The following ELFN1 variants were observed in gnomAD, a reference collection of about 807,000 sequenced individuals.
ELFN1 encodes the protein extracellular leucine rich repeat and fibronectin type III domain containing 1, also known as protein ELFN1.
A neutral mutation model predicts 7.6 loss-of-function variants in ELFN1; 6 were observed. That is an observed-to-expected ratio of 0.79 (90% CI 0.43 to 1.56). The LOEUF (loss-of-function observed/expected upper bound fraction) is 1.56. ELFN1 is among the 40% of genes most tolerant of loss of function. The probability of loss-of-function intolerance (pLI) is 0.01; values close to 1 mark genes in which losing one functional copy is unlikely to be tolerated. For missense variants in ELFN1, 1,169 were observed against 1,232.2 expected (o/e 0.95, Z 0.77); for synonymous variants, 657 against 588.1 (o/e 1.12, Z -1.70).
Position 1,747,803 on chromosome 7 carries a change from C to T in ELFN1, c.*720C>T, listed in dbSNP as rs1038787372. 4.9e-5 allele frequency: 8 copies of T among 161,874 alleles called. No individual in the cohort carries two copies. Among genetic ancestry groups the T allele is most frequent in the African/African-American group, 1.8e-4 (7 of 39,824 alleles). 10.0% of individuals were successfully genotyped at this position (161,874 alleles called of 1,614,324 possible). On this transcript the variant is annotated 3_prime_UTR_variant, in exon 4 of 4. Transcript: ENST00000424383. ...GCCCAGCCCCCATGTACACTGTAGT[C>T]GTTCTATTGTACAGAAAAAAATATT...
At chr7:1,697,425 C>G (rs1276773724) in intron 2 of ELFN1, among the ~76,000 whole-genome samples, 2 of 152,196 alleles carry the variant, frequency 1.3e-5, no homozygotes, top group African/African-American at 4.8e-5. Context: ...GGCCTGCACT[C>G]CCTGCTCTGT....
At chr7:1,683,367 G>T (rs1779008858) in intron 1 of ELFN1, among the ~76,000 whole-genome samples, 1 of 152,096 alleles carries the variant, frequency 6.6e-6, no homozygotes, top group Admixed American at 6.6e-5. Context: ...TTACAAGTCT[G>T]TTCAGATTTT....
chr7:1,669,922 C>A (rs1173257504), upstream of ELFN1, among the ~76,000 whole-genome samples: 1 of 115,004 alleles, frequency 8.7e-6, no homozygotes, highest in Non-Finnish European at 1.7e-5. Flanking sequence ...GGGCCGGGGA[C>A]GGACCGCGAG....
chr7:1,687,256 T>G (rs933874518), intron 1 of ELFN1, among the ~76,000 whole-genome samples: 2 of 152,174 alleles, frequency 1.3e-5, no homozygotes, highest in Non-Finnish European at 2.9e-5. Flanking sequence ...AATGATTGTT[T>G]TTGAGAATTT....
intron 3 of ELFN1, among the ~76,000 whole-genome samples, chr7:1,733,872 C>T (rs1417989062): frequency 1.3e-5 from 2 of 152,088 alleles, no homozygotes; most frequent in Non-Finnish European, 1.5e-5. Context: ...GGAGCCAGGC[C>T]TCAGCTCCCC....
intron 1 of ELFN1, among the ~76,000 whole-genome samples, chr7:1,672,475 T>G (rs965106528): frequency 6.6e-6 from 1 of 151,992 alleles, no homozygotes; most frequent in Admixed American, 6.6e-5. Flanking sequence ...TTTGAATATT[T>G]TCACCCTAAA....
chr7:1,731,696 G>C (rs1478419241), intron 3 of ELFN1, among the ~76,000 whole-genome samples: 1 of 152,220 alleles, frequency 6.6e-6, no homozygotes, highest in Non-Finnish European at 1.5e-5. Context: ...CTGTCGCCCA[G>C]GCTGGGGTGC....
At chr7:1,701,518 A>G (rs1779428349) in intron 2 of ELFN1, among the ~76,000 whole-genome samples, 1 of 152,166 alleles carries the variant, frequency 6.6e-6, no homozygotes, top group Non-Finnish European at 1.5e-5. Context: ...AGTCATCAAT[A>G]TATTTTTCTG....
intron 3 of ELFN1, among the ~76,000 whole-genome samples, chr7:1,711,618 GAGAGAGAGAAT>G (rs1779659311): frequency 7.1e-6 from 1 of 141,032 alleles, no homozygotes; most frequent in African/African-American, 3.0e-5. Context: ...GAGAGAGAGA[GAGAGAGAGAAT>G]GAGACAAGGG....
chr7:1,710,677 C>A (rs1779630628), intron 3 of ELFN1, among the ~76,000 whole-genome samples: 2 of 152,194 alleles, frequency 1.3e-5, no homozygotes, highest in Admixed American at 6.5e-5. Flanking sequence ...AACTCACAGG[C>A]CAGTGTTCGT....
chr7:1,733,627 G>A (rs1176940469), intron 3 of ELFN1, among the ~76,000 whole-genome samples: 3 of 152,080 alleles, frequency 2.0e-5, no homozygotes, highest in African/African-American at 7.2e-5. Flanking sequence ...CCCATCTTCC[G>A]TTGCTGAAAC....
intron 1 of ELFN1, among the ~76,000 whole-genome samples, chr7:1,679,121 C>A (rs911587418): frequency 6.6e-6 from 1 of 152,098 alleles, no homozygotes; most frequent in African/African-American, 2.4e-5. Flanking sequence ...AGAGCCCACC[C>A]CCCACATACA....
upstream of ELFN1, among the ~76,000 whole-genome samples, chr7:1,670,175 G>T (rs950898565): frequency 2.0e-5 from 3 of 148,996 alleles, no homozygotes; most frequent in Non-Finnish European, 1.5e-5. The surrounding 1 kb of genome is among the most constrained non-coding windows in gnomAD (Gnocchi z 6.4). Context: ...GGGAGGGAAG[G>T]GGGGCGGGAG....
chr7:1,723,397 A>C (rs901563572), intron 3 of ELFN1, among the ~76,000 whole-genome samples: 5 of 152,180 alleles, frequency 3.3e-5, no homozygotes, highest in Non-Finnish European at 7.3e-5. Context: ...GACGCTTTGG[A>C]TATGGCGTGT....
rs1361057877 is a variant in ELFN1 at position 1,744,455 on chromosome 7, G to A, written c.-142G>A. 2.0e-6 allele frequency: 2 copies of A among 988,448 alleles called. No homozygotes were observed. The highest frequency in any genetic ancestry group is 2.8e-6 in the Non-Finnish European group (2 of 709,648). The allele number at this position is 988,448 out of a possible 1,614,324, so 61.2% of individuals were successfully genotyped here. On this transcript the variant is annotated 5_prime_UTR_variant, in exon 4 of 4. Coordinates refer to ENST00000424383, the MANE Select transcript of ELFN1 (RefSeq NM_001128636.4). ...TCCCTCCCCGCGCTTACGTCGCGCGGCCATGCGGTTTGGGACAGGACACCC... is the reference window on the plus strand; with the variant it reads ...TCCCTCCCCGCGCTTACGTCGCGCGACCATGCGGTTTGGGACAGGACACCC...
chr7:1,693,301 C>A (rs957561843), intron 2 of ELFN1: 1 of 456,356 alleles, frequency 2.2e-6, no homozygotes, highest in Non-Finnish European at 4.6e-6. Context: ...GAACGCCCAT[C>A]GGGGCAGCCT....
Position 1,746,256 on chromosome 7 carries a change from G to A in ELFN1, c.1660G>A (p.Glu554Lys), listed in dbSNP as rs758039912. The A allele has an allele frequency of 5.7e-6, 9 of 1,592,372 alleles. No individual in the cohort carries two copies. The highest frequency in any genetic ancestry group is 2.3e-5 in the East Asian group (1 of 43,704). The change falls in exon 4 of 4, where the codon GAG (glutamate) becomes AAG (lysine). Residue 554 changes from glutamate (E) to lysine (K), a missense_variant. Physicochemically the swap from Glu to Lys is moderately conservative, Grantham distance 56. Transcript: ENST00000424383. ...PGPDSQSSVA[E>K]ISTIAKEVDK... The stretch of plus-strand genomic sequence containing the variant: ...CCCCGACAGCCAGAGTTCGGTGGCC[G>A]AGATCTCCACCATCGCCAAGGAGGT...
chr7:1,723,160 C>T (rs1378906672), intron 3 of ELFN1, among the ~76,000 whole-genome samples: 1 of 152,236 alleles, frequency 6.6e-6, no homozygotes, highest in Non-Finnish European at 1.5e-5. Context: ...CACCACTGCA[C>T]TCCAGCCTGG....
intron 2 of ELFN1, among the ~76,000 whole-genome samples, chr7:1,698,522 A>T (rs939291996): frequency 2.0e-5 from 3 of 152,180 alleles, no homozygotes; most frequent in African/African-American, 4.8e-5. Flanking sequence ...CCTGAATCAC[A>T]AAGTCCTAAT....
Sources: gnomAD v4.1 joint callset for allele counts (sites outside exome capture counted in the v4.1 genomes callset) on GRCh38, gnomAD v4.1.1 for gene constraint, Gnocchi (gnomAD v3.1) non-coding constraint, MANE v1.5 for transcripts, NCBI Gene and HGNC (gene_info 2026-07-23, HGNC 2026-07-21) for gene names.